The following TRIM38 variants were observed in gnomAD, a reference collection of about 807,000 sequenced individuals.
TRIM38 encodes tripartite motif containing 38.
A neutral mutation model predicts 35.8 loss-of-function variants in TRIM38; 35 were observed. The ratio of observed to expected loss-of-function variants is 0.98; its 90% CI spans 0.75 to 1.30. TRIM38 has a LOEUF of 1.30. Among genes scored for constraint, TRIM38 ranks in the 50% most tolerant of loss-of-function variants. TRIM38 has a pLI of 0.00. For synonymous variants in TRIM38, 198 were observed against 204.7 expected, an observed-to-expected ratio of 0.97 and a Z score of 0.28; for missense variants, 545 against 556.9, an observed-to-expected ratio of 0.98 and a Z score of 0.21.
chr6:25,973,351 C>A, intron 7 of TRIM38, 66 bp downstream of exon 7: 1 of 1,571,024 alleles, frequency 6.4e-7, no homozygotes, highest in Non-Finnish European at 8.7e-7. Context: ...ACCAAGTTTA[C>A]CACCTGTCCC....
rs1460413992 is a variant in TRIM38 at position 25,983,546 on chromosome 6, G to T, written c.1257G>T (p.Glu419Asp). The T allele has an allele frequency of 1.2e-6, 2 of 1,614,032 alleles. No homozygotes were observed. The highest frequency in any genetic ancestry group is 8.5e-7 in the Non-Finnish European group (1 of 1,180,016). ...TTGTGGGAATTTTTCTGGACTATGA[G>T]GCCGGAGTTGTATCCTTTTATAACG... Reference protein sequence around the residue: ...PLLVGIFLDYEAGVVSFYNGN... With the variant: ...PLLVGIFLDYDAGVVSFYNGN... Residue 419 changes from glutamate (E) to aspartate (D), a missense_variant, in exon 8 of 8, where the codon GAG becomes GAT. Coordinates refer to ENST00000357085, the MANE Select transcript of TRIM38 (RefSeq NM_006355.5).
rs776080052 is a variant in TRIM38, at chr6:25,989,835, G to A, written c.*6148G>A. 6.6e-6 allele frequency: 1 copy of A among 151,290 alleles called. No homozygotes were observed. Among genetic ancestry groups the A allele is most frequent in the African/African-American group, 2.4e-5 (1 of 41,140 alleles). The allele number at this position is 151,290 out of a possible 1,614,324, so 9.4% of individuals were successfully genotyped here. On this transcript the variant is annotated 3_prime_UTR_variant, in exon 8 of 8. Transcript: ENST00000357085. ...AAAAATTTAAGACATTTTATAACTG[G>A]CCAAATTTACTAGCTTAGATACTAT...
chr6:25,965,869 G>A (rs1760019702), intron 2 of TRIM38, among the ~76,000 whole-genome samples: 2 of 151,160 alleles, frequency 1.3e-5, no homozygotes, highest in African/African-American at 4.9e-5. Flanking sequence ...GCAGTGAGCC[G>A]AGATAGCGTC....
chr6:25,969,282 G>A, intron 3 of TRIM38, 43 bp from the exon 4 acceptor site: 1 of 1,438,154 alleles, frequency 7.0e-7, no homozygotes, highest in Non-Finnish European at 9.7e-7. Flanking sequence ...CCCTAATGAA[G>A]AGTCAAATTG....
In TRIM38 at chr6:25,966,453, T is replaced by C. The variant is rs186541417; in HGVS notation, c.-70T>C. The C allele has an allele frequency of 2.8e-5, 42 of 1,480,432 alleles. No homozygotes were observed. In the African/African-American group the frequency reaches 5.2e-4, roughly 18 times the overall value. 91.7% of individuals were successfully genotyped at this position (1,480,432 alleles called of 1,614,324 possible). A position where few individuals can be genotyped will look rare whatever the true frequency, so the allele number is the denominator to read the frequency against. On this transcript the variant is annotated 5_prime_UTR_variant, in exon 3 of 8. Transcript: ENST00000357085. Reference sequence around the variant, plus strand: ...GAGGTGCAGGTGAGGTGTATTTTCATCACGGTGGAAAATTCTGGCTGCTTC... The same window carrying C: ...GAGGTGCAGGTGAGGTGTATTTTCACCACGGTGGAAAATTCTGGCTGCTTC...
chr6:25,962,984 T>A (rs1561894070), intron 1 of TRIM38, 65 bp from the exon 2 acceptor site: 1 of 152,646 alleles, frequency 6.6e-6, no homozygotes, highest in Non-Finnish European at 1.5e-5. Context: ...CCTCCAACTC[T>A]GAAAATGGTC....
At chr6:25,971,424 G>A (rs1760224996) in intron 4 of TRIM38, among the ~76,000 whole-genome samples, 1 of 152,192 alleles carries the variant, frequency 6.6e-6, no homozygotes, top group South Asian at 2.1e-4. Context: ...TTGTGTGTGT[G>A]TGTGTGTTTG....
chr6:25,981,110 C>T (rs1315204101), intron 7 of TRIM38, among the ~76,000 whole-genome samples: 1 of 152,236 alleles, frequency 6.6e-6, no homozygotes, highest in Non-Finnish European at 1.5e-5. Flanking sequence ...AGAGCCATCA[C>T]CTCCTCTGGG....
chr6:25,975,013 C>CTATT (rs980835248), intron 7 of TRIM38: 1 of 949,686 alleles, frequency 1.1e-6, no homozygotes, highest in African/African-American at 1.8e-5. Context: ...TCAAGTGAAA[C>CTATT]TATTTCTTTC....
rs1379793640 is a variant in TRIM38, at chr6:25,988,440, G to T, written c.*4753G>T. ...TAACATACATTTAAGTTTCCTTCAT[G>T]TGTTTTCATGGCTTGATCGTTTCTT... On this transcript the variant is annotated 3_prime_UTR_variant, in exon 8 of 8. Coordinates refer to ENST00000357085, the MANE Select transcript of TRIM38 (RefSeq NM_006355.5). 1 of 143,082 alleles carries T rather than the reference G, an allele frequency of 7.0e-6. No homozygotes were observed. The highest frequency in any genetic ancestry group is 1.5e-5 in the Non-Finnish European group (1 of 65,482). 8.9% of individuals were successfully genotyped at this position (143,082 alleles called of 1,614,324 possible).
Position 25,984,470 on chromosome 6 carries a change from G to C in TRIM38, c.*783G>C, listed in dbSNP as rs967175016. ...TAGACCTTAACTTCATTTTGAAAAA[G>C]ACCAAATTACCATACCCGAGTGAGT... On this transcript the variant is annotated 3_prime_UTR_variant, in exon 8 of 8. Coordinates refer to ENST00000357085, the MANE Select transcript of TRIM38 (RefSeq NM_006355.5). 1 of 152,232 alleles carries C rather than the reference G, an allele frequency of 6.6e-6. No individual in the cohort carries two copies. Among genetic ancestry groups the C allele is most frequent in the African/African-American group, 2.4e-5 (1 of 41,412 alleles). 9.4% of individuals were successfully genotyped at this position (152,232 alleles called of 1,614,324 possible). A position where few individuals can be genotyped will look rare whatever the true frequency, so the allele number is the denominator to read the frequency against.
chr6:25,989,028 A>G lies in TRIM38; in HGVS notation c.*5341A>G, dbSNP rs1386118113. The G allele has an allele frequency of 7.9e-5, 12 of 152,352 alleles. No homozygotes were observed. The East Asian group carries it at 2.3e-3, about 29-fold the overall frequency. The allele number at this position is 152,352 out of a possible 1,614,324, so 9.4% of individuals were successfully genotyped here. ...ACATTTTGCATTCTCACCAGTAATG[A>G]ACAAGTTACTATTGCTACATATCTT... On this transcript the variant is annotated 3_prime_UTR_variant, in exon 8 of 8. Coordinates refer to ENST00000357085, the MANE Select transcript of TRIM38 (RefSeq NM_006355.5).
Position 25,971,971 on chromosome 6 carries a change from G to A in TRIM38, c.610G>A (p.Glu204Lys). The A allele has an allele frequency of 6.2e-7, 1 of 1,614,174 alleles. No individual in the cohort carries two copies. Among genetic ancestry groups the A allele is most frequent in the Non-Finnish European group, 8.5e-7 (1 of 1,180,020 alleles). Residue 204 changes from glutamate (E) to lysine (K), a missense_variant, in exon 5 of 8, where the codon GAA becomes AAA. Transcript: ENST00000357085. Reference sequence around the variant, plus strand: ...GTCTTATCTCTGGAGGCTGGAGAAAGAAGAACAACAGACTCTGAGTAGACT... The same window carrying A: ...GTCTTATCTCTGGAGGCTGGAGAAAAAAGAACAACAGACTCTGAGTAGACT... ...EKSYLWRLEK[E>K]EQQTLSRLRD...
Position 25,963,034 on chromosome 6 carries a change from T to C in TRIM38, c.-422-15T>C, listed in dbSNP as rs994720575. 6.6e-6 allele frequency: 1 copy of C among 152,394 alleles called. No homozygotes were observed. Among genetic ancestry groups the C allele is most frequent in the Non-Finnish European group, 1.5e-5 (1 of 68,126 alleles). 9.4% of individuals were successfully genotyped at this position (152,394 alleles called of 1,614,324 possible). A position where few individuals can be genotyped will look rare whatever the true frequency, so the allele number is the denominator to read the frequency against. On this transcript the variant is annotated splice_polypyrimidine_tract_variant and intron_variant, in intron 1 of 7. Transcript: ENST00000357085. ...TTTACAGCTCTCACCTCTTTCCTGC[T>C]CTTTCTTTCACCAGACTTTACACCA...
At chr6:25,981,280 A>C (rs1760537174) in intron 7 of TRIM38, among the ~76,000 whole-genome samples, 1 of 152,226 alleles carries the variant, frequency 6.6e-6, no homozygotes, top group Non-Finnish European at 1.5e-5. Flanking sequence ...CCATTGGCTG[A>C]ACCAAGCCAG....
chr6:25,980,170 G>T (rs755312585), intron 7 of TRIM38, among the ~76,000 whole-genome samples: 40 of 152,272 alleles, frequency 2.6e-4, no homozygotes, highest in Non-Finnish European at 5.0e-4. Context: ...TTGACTATGA[G>T]ATTGCGCTTC....
At chr6:25,982,282 CAT>C (rs1213273975) in intron 7 of TRIM38, among the ~76,000 whole-genome samples, 1 of 152,190 alleles carries the variant, frequency 6.6e-6, no homozygotes, top group Non-Finnish European at 1.5e-5. Flanking sequence ...GTATATTCTA[CAT>C]GTGTCAAAGA....
intron 2 of TRIM38, among the ~76,000 whole-genome samples, chr6:25,963,913 A>AC (rs1759931387): frequency 7.1e-6 from 1 of 140,662 alleles, no homozygotes; most frequent in Non-Finnish European, 1.6e-5. Flanking sequence ...CCTGAAAGCA[A>AC]AAACAACAAC....
intron 2 of TRIM38, among the ~76,000 whole-genome samples, chr6:25,964,752 C>T (rs1413206017): frequency 5.9e-5 from 9 of 151,926 alleles, no homozygotes; most frequent in Non-Finnish European, 2.9e-5. Flanking sequence ...GAATCTGTCA[C>T]AGATCACCCA....
Sources: allele counts gnomAD v4.1 joint callset (sites outside exome capture counted in the v4.1 genomes callset), GRCh38; gene constraint gnomAD v4.1.1; transcripts MANE v1.5; gene names NCBI Gene and HGNC (gene_info 2026-07-23, HGNC 2026-07-21).